The following IL1RAPL2 variants were observed in gnomAD, a reference collection of about 807,000 sequenced individuals.
The protein encoded by IL1RAPL2 is interleukin 1 receptor accessory protein like 2, also known as X-linked interleukin-1 receptor accessory protein-like 2.
A neutral mutation model predicts 44.1 loss-of-function variants in IL1RAPL2; 3 were observed. That is an observed-to-expected ratio of 0.07 (90% confidence interval 0.03 to 0.18). The LOEUF (loss-of-function observed/expected upper bound fraction) is 0.18, where lower values mean the gene tolerates loss of function less well. IL1RAPL2 is among the 10% of genes least tolerant of loss of function. The probability of loss-of-function intolerance (pLI) is 1.00; values close to 1 mark genes in which losing one functional copy is unlikely to be tolerated. For missense variants in IL1RAPL2, 391 were observed against 496.4 expected (o/e 0.79, Z 2.02); for synonymous variants, 181 against 178.8 (o/e 1.01, Z -0.10).
intron 5 of IL1RAPL2, among the ~76,000 whole-genome samples, chrX:105,290,038 G>A (rs1280338867): frequency 9.0e-6 from 1 of 111,345 alleles, no homozygotes; most frequent in Non-Finnish European, 1.9e-5. Context: ...GCTGTTGATT[G>A]GTCATGTTAT....
chrX:104,814,749 T>C (rs1921091323), intron 2 of IL1RAPL2, among the ~76,000 whole-genome samples: 1 of 112,269 alleles, frequency 8.9e-6, no homozygotes, highest in South Asian at 3.7e-4. Flanking sequence ...TCTGCTCCTT[T>C]GTGTGGCAGT....
intron 2 of IL1RAPL2, among the ~76,000 whole-genome samples, chrX:104,890,149 T>A (rs1923380786): frequency 8.9e-6 from 1 of 112,182 alleles, no homozygotes; most frequent in Admixed American, 9.5e-5. Context: ...TATGGCTGCA[T>A]AGTATACTGT....
intron 1 of IL1RAPL2, among the ~76,000 whole-genome samples, chrX:104,585,334 T>TA (rs1928520209): frequency 2.4e-4 from 4 of 16,672 alleles, no homozygotes; most frequent in Non-Finnish European, 8.1e-5. Context: ...ATATAATATA[T>TA]ATTATATATT....
In IL1RAPL2 at chrX:105,595,126, C is replaced by G. The variant is rs771619113; in HGVS notation, c.772+110739C>G. Among the ~76,000 whole-genome samples, 24 of 111,928 alleles carry G rather than the reference C, an allele frequency of 2.1e-4. No individual in the cohort carries two copies. In the East Asian group the frequency reaches 6.2e-3, roughly 29 times the overall value. On this transcript the variant is annotated intron_variant, in intron 6 of 10. Transcript: ENST00000372582. ...AACAATAGCACAGAGTTTTTGATTA[C>G]CTTGTAGAAGAAAGGACTTTTTTGA...
chrX:105,632,936 G>A (rs2037500716), intron 6 of IL1RAPL2, among the ~76,000 whole-genome samples: 1 of 111,841 alleles, frequency 8.9e-6, no homozygotes, highest in Non-Finnish European at 1.9e-5. Context: ...CTTCTTTGCT[G>A]CCTAGAGGAA....
At chrX:105,568,750 A>G (rs1485912017) in intron 6 of IL1RAPL2, among the ~76,000 whole-genome samples, 2 of 112,348 alleles carry the variant, frequency 1.8e-5, no homozygotes, top group East Asian at 5.6e-4. Context: ...GGTAAGTTTC[A>G]AATGAGGCCA....
intron 6 of IL1RAPL2, among the ~76,000 whole-genome samples, chrX:105,687,895 C>A (rs895792450): frequency 2.7e-5 from 3 of 111,648 alleles, no homozygotes; most frequent in Non-Finnish European, 5.6e-5. Flanking sequence ...GGCCTCATCC[C>A]TGGGATGCAA....
intron 4 of IL1RAPL2, among the ~76,000 whole-genome samples, chrX:105,245,619 A>C (rs1313878317): frequency 4.4e-5 from 5 of 112,845 alleles, no homozygotes; most frequent in African/African-American, 1.6e-4. Context: ...AAAACGTTTT[A>C]CAAATGAGAG....
Position 105,406,641 on chromosome X carries a change from C to A in IL1RAPL2, c.698-77672C>A, listed in dbSNP as rs1167158625. 2.0e-5 allele frequency: 23 copies of A among 1,143,736 alleles called. No individual in the cohort carries two copies. The East Asian group carries it at 2.1e-4, about 10-fold the overall frequency. The allele number at this position is 1,143,736 out of a possible 1,213,427, so 94.3% of individuals were successfully genotyped here. A position where few individuals can be genotyped will look rare whatever the true frequency, so the allele number is the denominator to read the frequency against. On this transcript the variant is annotated intron_variant, in intron 5 of 10. Transcript: ENST00000372582. ...CCGCTGTAATCTTGCACAGGCAAAT[C>A]TTTGCTGTGCAAATCTTGAATGAGC... is the stretch of plus-strand genomic sequence containing the variant.
At position 105,648,899 on chromosome X, in the gene IL1RAPL2, C is replaced by T. The variant is rs922023946; in HGVS notation, c.773-68468C>T. 4.9e-4 allele frequency among the ~76,000 whole-genome samples: 54 copies of T among 110,982 alleles called. 1 individual carries two copies. The Admixed American group carries it at 5.2e-3, about 11-fold the overall frequency. On this transcript the variant is annotated intron_variant, in intron 6 of 10. Transcript: ENST00000372582. ...ACTCAATCCCAAGTGTCAGTGTGGT[C>T]GCAGAGCCCTAGGCTGAAGGCAAAG...
intron 2 of IL1RAPL2, among the ~76,000 whole-genome samples, chrX:104,710,962 T>G (rs1436744516): frequency 9.0e-6 from 1 of 111,557 alleles, no homozygotes; most frequent in Non-Finnish European, 1.9e-5. Context: ...AGTGTGCTCC[T>G]TCTACCTATA....
intron 6 of IL1RAPL2, among the ~76,000 whole-genome samples, chrX:105,707,411 G>C (rs371565990): frequency 8.9e-6 from 1 of 112,253 alleles, no homozygotes; most frequent in African/African-American, 3.2e-5. Context: ...TGAACTAAGC[G>C]TTTGAGAATC....
At chrX:105,632,501 T>C (rs1216464981) in intron 6 of IL1RAPL2, among the ~76,000 whole-genome samples, 2 of 111,596 alleles carry the variant, frequency 1.8e-5, no homozygotes, top group African/African-American at 6.5e-5. Context: ...CATTTTTTAT[T>C]GAAGGTGGTG....
intron 6 of IL1RAPL2, among the ~76,000 whole-genome samples, chrX:105,561,318 G>A (rs2036935285): frequency 9.0e-6 from 1 of 111,522 alleles, no homozygotes; most frequent in African/African-American, 3.3e-5. Flanking sequence ...TTCACCTTGG[G>A]AGCTAGGTCT....
intron 1 of IL1RAPL2, among the ~76,000 whole-genome samples, chrX:104,585,119 A>T (rs896815883): frequency 1.2e-5 from 1 of 80,611 alleles, no homozygotes; most frequent in Non-Finnish European, 2.3e-5. Context: ...CATACATAAC[A>T]TATGCACAAA....
chrX:104,730,232 T>C (rs1602701109), intron 2 of IL1RAPL2, among the ~76,000 whole-genome samples: 2 of 111,047 alleles, frequency 1.8e-5, no homozygotes, highest in African/African-American at 3.3e-5. Flanking sequence ...ATTAAAATAA[T>C]TTTATTATAC....
At chrX:104,858,239 T>C (rs1297729853) in intron 2 of IL1RAPL2, among the ~76,000 whole-genome samples, 2 of 111,791 alleles carry the variant, frequency 1.8e-5, no homozygotes, top group Non-Finnish European at 3.8e-5. Flanking sequence ...GGTACCCTAA[T>C]ATTTAGCAGA....
intron 2 of IL1RAPL2, among the ~76,000 whole-genome samples, chrX:104,695,694 A>T (rs1255370699): frequency 1.8e-5 from 2 of 111,139 alleles, no homozygotes; most frequent in Non-Finnish European, 3.8e-5. Flanking sequence ...AGGCATCCAG[A>T]TATAATATAA....
At chrX:105,374,832 C>T (rs1221410169) in intron 5 of IL1RAPL2, among the ~76,000 whole-genome samples, 1 of 106,754 alleles carries the variant, frequency 9.4e-6, no homozygotes, top group Non-Finnish European at 1.9e-5. Context: ...CCTGTAGTCC[C>T]AGCTACTTGG....
Sources: allele counts gnomAD v4.1 joint callset (sites outside exome capture counted in the v4.1 genomes callset), GRCh38; gene constraint gnomAD v4.1.1; transcripts MANE v1.5; gene names NCBI Gene and HGNC (gene_info 2026-07-23, HGNC 2026-07-21).